HFM1: variants seen among roughly 807,000 people sequenced by gnomAD.
The protein encoded by HFM1 is helicase for meiosis 1, also known as probable ATP-dependent DNA helicase HFM1.
HFM1 carries 169 observed loss-of-function variants against 192.1 expected under a neutral mutation model. That is an observed-to-expected ratio of 0.88 (90% CI 0.78 to 1.00). The LOEUF (loss-of-function observed/expected upper bound fraction) is 1.00. Ranked by LOEUF, HFM1 falls within the 50% of genes least tolerant of loss-of-function variation. HFM1 has a pLI of 0.00. For synonymous variants in HFM1, 525 were observed against 537.8 expected, an observed-to-expected ratio of 0.98 and a Z score of 0.33; for missense variants, 1,661 against 1,668.0, an observed-to-expected ratio of 1.00 and a Z score of 0.07.
intron 36 of HFM1, among the ~76,000 whole-genome samples, chr1:91,264,486 C>T (rs1665532370): frequency 7.0e-6 from 1 of 143,354 alleles, no homozygotes; most frequent in Admixed American, 7.3e-5. Flanking sequence ...CATTCTCCTG[C>T]CTCAGCCTCC....
intron 19 of HFM1, among the ~76,000 whole-genome samples, chr1:91,346,445 A>G (rs1447954548): frequency 6.6e-6 from 1 of 152,222 alleles, no homozygotes; most frequent in Non-Finnish European, 1.5e-5. Context: ...TTATGAATAT[A>G]TGCTATTGGT....
rs181652852 is a variant in HFM1, at chr1:91,266,202, T to C, written c.3884-95A>G. On this transcript the variant is annotated intron_variant, in intron 35 of 38. Transcript: ENST00000370425. The stretch of plus-strand genomic sequence containing the variant: ...ACAACGTTCTCTCCAACAGATATGA[T>C]CTGATTAAGGAAGGAATGAATAATT... 1.7e-4 allele frequency: 158 copies of C among 906,858 alleles called. 1 individual carries two copies. In the East Asian group the frequency reaches 3.3e-3, roughly 19 times the overall value. The allele number at this position is 906,858 out of a possible 1,614,324, so 56.2% of individuals were successfully genotyped here. A position where few individuals can be genotyped will look rare whatever the true frequency, so the allele number is the denominator to read the frequency against.
At chr1:91,379,694 G>T (rs1019614259) in intron 8 of HFM1, among the ~76,000 whole-genome samples, 2 of 152,126 alleles carry the variant, frequency 1.3e-5, no homozygotes, top group East Asian at 1.9e-4. Context: ...GAAAGGTAGG[G>T]CAGAAGATTA....
At chr1:91,283,130 C>G (rs1262273807) in intron 30 of HFM1, among the ~76,000 whole-genome samples, 1 of 152,134 alleles carries the variant, frequency 6.6e-6, no homozygotes, top group African/African-American at 2.4e-5. Flanking sequence ...AAAGTGCTCC[C>G]TTTACCCTGC....
intron 4 of HFM1, among the ~76,000 whole-genome samples, chr1:91,392,702 A>T (rs1246800635): frequency 6.6e-6 from 1 of 152,150 alleles, no homozygotes; most frequent in Non-Finnish European, 1.5e-5. Flanking sequence ...TATGTAACAA[A>T]CCTGCATGTT....
chr1:91,395,919 G>A (rs1277595235), intron 3 of HFM1, among the ~76,000 whole-genome samples: 2 of 150,822 alleles, frequency 1.3e-5, no homozygotes, highest in Admixed American at 6.6e-5. Flanking sequence ...TGCAATCTCA[G>A]CTAACTGCAA....
chr1:91,342,396 A>G (rs1001936400), intron 20 of HFM1, among the ~76,000 whole-genome samples: 1 of 152,154 alleles, frequency 6.6e-6, no homozygotes, highest in Non-Finnish European at 1.5e-5. Context: ...AGCAAGTAAT[A>G]ACACCATCAT....
intron 4 of HFM1, among the ~76,000 whole-genome samples, chr1:91,388,252 T>C (rs1055160133): frequency 2.6e-5 from 4 of 152,222 alleles, no homozygotes; most frequent in African/African-American, 4.8e-5. Context: ...AAATTTGTAG[T>C]TGGCCAGACA....
chr1:91,305,997 C>T (rs555971872), intron 30 of HFM1, among the ~76,000 whole-genome samples: 1 of 152,214 alleles, frequency 6.6e-6, no homozygotes, highest in South Asian at 2.1e-4. Context: ...ATTTTACTAT[C>T]GAGTATGACA....
At chr1:91,355,499 C>T (rs372404182) in intron 13 of HFM1, among the ~76,000 whole-genome samples, 30 of 150,890 alleles carry the variant, frequency 2.0e-4, no homozygotes, top group Admixed American at 8.6e-4. Flanking sequence ...ATAAGGACAC[C>T]GGCTGAAAGT....
At chr1:91,288,911 G>T (rs1668347606) in intron 30 of HFM1, among the ~76,000 whole-genome samples, 1 of 152,124 alleles carries the variant, frequency 6.6e-6, no homozygotes, top group African/African-American at 2.4e-5. Flanking sequence ...AGACGGGGTG[G>T]CGGCCGGGCA....
intron 32 of HFM1, 61 bp from the exon 33 acceptor site, chr1:91,274,870 G>A: frequency 1.3e-6 from 1 of 772,138 alleles, no homozygotes; most frequent in Non-Finnish European, 2.1e-6. Flanking sequence ...TGTAACACAT[G>A]AGCCAAACAA....
intron 23 of HFM1, among the ~76,000 whole-genome samples, chr1:91,320,673 G>T (rs980753953): frequency 3.3e-5 from 5 of 152,168 alleles, no homozygotes; most frequent in Admixed American, 6.5e-5. Context: ...AACAGGGATA[G>T]GAGGAAGGAC....
chr1:91,364,447 C>G (rs569887991), intron 13 of HFM1, among the ~76,000 whole-genome samples: 2 of 150,550 alleles, frequency 1.3e-5, no homozygotes, highest in South Asian at 2.1e-4. Context: ...GGGTATATAC[C>G]CAAAGAAGAG....
Position 91,272,793 on chromosome 1 carries a change from G to A in HFM1, c.3772+919C>T, listed in dbSNP as rs139775717. On this transcript the variant is annotated intron_variant, in intron 34 of 38. Coordinates refer to ENST00000370425, the MANE Select transcript of HFM1 (RefSeq NM_001017975.6). ...CTGCCATGGTATCACAAGAGGTAGTGAATACTCCAGCCCTTGACTCTGTAA... is the reference window on the plus strand; with the variant it reads ...CTGCCATGGTATCACAAGAGGTAGTAAATACTCCAGCCCTTGACTCTGTAA... Among the ~76,000 whole-genome samples, 1,072 of 151,928 alleles carry A rather than the reference G, an allele frequency of 7.1e-3. 17 individuals carry two copies. Among genetic ancestry groups the A allele is most frequent in the Middle Eastern group, 0.024 (7 of 292 alleles).
intron 30 of HFM1, among the ~76,000 whole-genome samples, chr1:91,292,901 T>G (rs1668946069): frequency 6.6e-6 from 1 of 152,018 alleles, no homozygotes; most frequent in African/African-American, 2.4e-5. Flanking sequence ...TAACGCCACA[T>G]ATCTACAACT....
chr1:91,336,387 C>G (rs1198973056), intron 20 of HFM1, among the ~76,000 whole-genome samples: 2 of 151,710 alleles, frequency 1.3e-5, no homozygotes, highest in African/African-American at 4.8e-5. Context: ...TTCCTACCCT[C>G]CTCCCCTTTC....
chr1:91,329,560 G>T, intron 20 of HFM1: 5 of 1,345,274 alleles, frequency 3.7e-6, no homozygotes, highest in Non-Finnish European at 2.0e-6. Context: ...CAGAATATTT[G>T]CCCTCTTGTA....
At chr1:91,365,392 A>AGAGAT (rs1184442043) in intron 13 of HFM1, among the ~76,000 whole-genome samples, 8 of 152,156 alleles carry the variant, frequency 5.3e-5, no homozygotes, top group African/African-American at 9.7e-5. Context: ...ATGTGAGATG[A>AGAGAT]GAGATATATT....
Sources: allele counts gnomAD v4.1 joint callset (sites outside exome capture counted in the v4.1 genomes callset), GRCh38; gene constraint gnomAD v4.1.1; transcripts MANE v1.5; gene names NCBI Gene and HGNC (gene_info 2026-07-23, HGNC 2026-07-21).